The following ADGRG4 variants were observed in gnomAD, a reference collection of about 807,000 sequenced individuals.
ADGRG4 encodes the protein G protein-coupled receptor 112.
Under a neutral mutation model 126.2 loss-of-function variants are expected in ADGRG4, and 122 were observed. The ratio of observed to expected loss-of-function variants is 0.97; its 90% CI spans 0.83 to 1.12. The LOEUF (loss-of-function observed/expected upper bound fraction) is 1.12. Ranked by LOEUF, ADGRG4 falls within the 50% of genes most tolerant of loss-of-function variation. The probability of loss-of-function intolerance (pLI) is 0.00; values close to 1 mark genes in which losing one functional copy is unlikely to be tolerated. For synonymous variants in ADGRG4, 943 were observed against 838.7 expected (o/e 1.12, Z -2.15); for missense variants, 2,481 against 2,251.8 (o/e 1.10, Z -2.06).
At chrX:136,415,991 C>A (rs1269744647) in intron 25 of ADGRG4, among the ~76,000 whole-genome samples, 1 of 112,065 alleles carries the variant, frequency 8.9e-6, no homozygotes, top group Non-Finnish European at 1.9e-5. Flanking sequence ...TTCCATTGTA[C>A]TAGTGACAGC....
At chrX:136,383,375 C>T (rs1438671109) in intron 15 of ADGRG4, among the ~76,000 whole-genome samples, 3 of 111,318 alleles carry the variant, frequency 2.7e-5, no homozygotes, top group Admixed American at 9.5e-5. Context: ...CTAATCCTAC[C>T]CCTAAACATA....
intron 1 of ADGRG4, among the ~76,000 whole-genome samples, chrX:136,303,543 T>C (rs2148441031): frequency 8.9e-6 from 1 of 112,268 alleles, no homozygotes; most frequent in South Asian, 3.7e-4. Flanking sequence ...TGTAGTATCA[T>C]TATGCAAAAT....
At chrX:136,350,491 T>C in intron 6 of ADGRG4, 58 bp downstream of exon 6, 1 of 1,093,807 alleles carries the variant, frequency 9.1e-7, no homozygotes, top group East Asian at 3.0e-5. Context: ...CTATGGGTCA[T>C]GTGTTCTCCA....
intron 23 of ADGRG4, among the ~76,000 whole-genome samples, chrX:136,409,421 A>G (rs750327153): frequency 9.0e-6 from 1 of 111,405 alleles, no homozygotes; most frequent in Non-Finnish European, 1.9e-5. Flanking sequence ...TTAAGTCGGA[A>G]AACTAAACTC....
At position 136,399,984 on chromosome X, in the gene ADGRG4, G is replaced by A; in HGVS notation, c.8443G>A (p.Ala2815Thr). Residue 2815 changes from alanine to threonine, a missense_variant, in exon 21 of 26, where the codon GCA becomes ACA. Physicochemically the swap from Ala to Thr is moderately conservative, Grantham distance 58. Transcript: ENST00000394143. Reference protein sequence around the residue: ...KVGVCITAAVALHYFLLVSFT... With the variant: ...KVGVCITAAVTLHYFLLVSFT... ...GGGAGTTTGTATCACAGCTGCAGTGGCACTTCATTACTTCCTGCTTGTTTC... is the reference window on the plus strand; with the variant it reads ...GGGAGTTTGTATCACAGCTGCAGTGACACTTCATTACTTCCTGCTTGTTTC... 4 of 1,210,954 alleles carry A rather than the reference G, an allele frequency of 3.3e-6. No homozygotes were observed. The highest frequency in any genetic ancestry group is 1.8e-5 in the South Asian group (1 of 56,990).
chrX:136,331,818 ATTT>A (rs781588407), intron 5 of ADGRG4, among the ~76,000 whole-genome samples: 2 of 96,597 alleles, frequency 2.1e-5, no homozygotes, highest in African/African-American at 3.8e-5. Context: ...ATATATTCTA[ATTT>A]TTTTTTTTTT....
chrX:136,414,334 A>G lies in ADGRG4; in HGVS notation c.9205+7A>G, dbSNP rs751417422. On this transcript the variant is annotated splice_region_variant and intron_variant, in intron 25 of 25. Transcript: ENST00000394143. ...GAAATAAGCTTTCCAAATGGTAAGA[A>G]AAAAAGGCTGTGTTGTCTACATTTA... 3 of 1,177,816 alleles carry G rather than the reference A, an allele frequency of 2.5e-6. No homozygotes were observed. In the South Asian group the frequency reaches 5.7e-5, roughly 22 times the overall value.
At chrX:136,378,641 T>C (rs2075242196) in intron 15 of ADGRG4, among the ~76,000 whole-genome samples, 1 of 111,845 alleles carries the variant, frequency 8.9e-6, no homozygotes, top group East Asian at 2.8e-4. Flanking sequence ...TTTTAAAAGA[T>C]GTTCTTTATT....
chrX:136,392,302 A>C lies in ADGRG4; in HGVS notation c.7982A>C (p.Gln2661Pro). The change falls in exon 17 of 26, where the codon CAA becomes CCA. Residue 2661 changes from glutamine to proline, a missense_variant. Physicochemically the swap from Gln to Pro is moderately conservative, Grantham distance 76. Coordinates refer to ENST00000394143, the MANE Select transcript of ADGRG4 (RefSeq NM_153834.4). ...AGCATTTCAGATGATATGTTCATTC[A>C]AAACTTAGCTGACCCAGTGGTTATC... ...SASISDDMFI[Q>P]NLADPVVITL... The C allele has an allele frequency of 8.4e-7, 1 of 1,186,377 alleles. No homozygotes were observed. Among genetic ancestry groups the C allele is most frequent in the Non-Finnish European group, 1.1e-6 (1 of 878,305 alleles).
Position 136,375,521 on chromosome X carries a change from T to C in ADGRG4, c.7776+2457T>C, listed in dbSNP as rs1168066055. 8.0e-5 allele frequency among the ~76,000 whole-genome samples: 9 copies of C among 112,438 alleles called. No homozygotes were observed. In the Admixed American group the frequency reaches 8.5e-4, roughly 11 times the overall value. ...CCACCAGCTGTATAAAAGTGTTTCCTTTTCACCACATCCATGCCAACATCT... is the reference window on the plus strand; with the variant it reads ...CCACCAGCTGTATAAAAGTGTTTCCCTTTCACCACATCCATGCCAACATCT... On this transcript the variant is annotated intron_variant, in intron 15 of 25. Transcript: ENST00000394143.
At position 136,346,598 on chromosome X, in the gene ADGRG4, A is replaced by G. The variant is rs754765823; in HGVS notation, c.2892A>G (p.Glu964=). Residue 964 remains glutamate, a synonymous_variant, in exon 6 of 26, where the codon GAA becomes GAG. Transcript: ENST00000394143. ...CTGGGAGCACACATATATTCGGTGA[A>G]CCCCTGGGTGCTTCTACCACAAGGA... ...PTSGSTHIFG[E]PLGASTTRIS... The G allele has an allele frequency of 8.3e-7, 1 of 1,210,161 alleles. No homozygotes were observed. The highest frequency in any genetic ancestry group is 1.1e-6 in the Non-Finnish European group (1 of 894,468).
intron 5 of ADGRG4, among the ~76,000 whole-genome samples, chrX:136,342,290 T>C (rs188811224): frequency 1.2e-3 from 133 of 111,982 alleles, no homozygotes; most frequent in African/African-American, 3.9e-3. Flanking sequence ...CACACTGCTC[T>C]CACATCATTC....
chrX:136,378,907 AT>A (rs2075243672), intron 15 of ADGRG4, among the ~76,000 whole-genome samples: 1 of 111,609 alleles, frequency 9.0e-6, no homozygotes, highest in African/African-American at 3.3e-5. Flanking sequence ...TTTGTGAAGT[AT>A]TTTTGCCCTT....
At chrX:136,398,237 G>T (rs1363486905) in intron 20 of ADGRG4, among the ~76,000 whole-genome samples, 4 of 111,994 alleles carry the variant, frequency 3.6e-5, no homozygotes, top group Non-Finnish European at 7.5e-5. Flanking sequence ...GGATATAAGA[G>T]CACCAACCCT....
At chrX:136,394,528 C>G (rs1000896857) in intron 18 of ADGRG4, among the ~76,000 whole-genome samples, 3 of 111,823 alleles carry the variant, frequency 2.7e-5, no homozygotes, top group African/African-American at 9.8e-5. Context: ...AAAAATAACA[C>G]TGCCCTTTCC....
intron 4 of ADGRG4, among the ~76,000 whole-genome samples, chrX:136,316,497 TG>T (rs1349682199): frequency 8.9e-6 from 1 of 111,889 alleles, no homozygotes; most frequent in African/African-American, 3.2e-5. Context: ...GACAGAGTTT[TG>T]CTCTTGTCGC....
At chrX:136,376,543 T>C (rs192287856) in intron 15 of ADGRG4, among the ~76,000 whole-genome samples, 45 of 112,075 alleles carry the variant, frequency 4.0e-4, no homozygotes, top group Admixed American at 1.7e-3. Flanking sequence ...TTCCATTTGT[T>C]TGTGTCATCT....
At chrX:136,303,509 A>G (rs1212430208) in intron 1 of ADGRG4, among the ~76,000 whole-genome samples, 3 of 111,973 alleles carry the variant, frequency 2.7e-5, no homozygotes, top group Non-Finnish European at 5.6e-5. Flanking sequence ...GGAGGGAGGC[A>G]AATTTATGTG....
At chrX:136,324,146 G>A (rs936004737) in intron 5 of ADGRG4, among the ~76,000 whole-genome samples, 1 of 111,203 alleles carries the variant, frequency 9.0e-6, no homozygotes, top group Non-Finnish European at 1.9e-5. Flanking sequence ...TGATTTTGGT[G>A]ATGTCTGTCA....
Sources: gnomAD v4.1 joint callset for allele counts (sites outside exome capture counted in the v4.1 genomes callset) on GRCh38, gnomAD v4.1.1 for gene constraint, MANE v1.5 for transcripts, NCBI Gene and HGNC (gene_info 2026-07-23, HGNC 2026-07-21) for gene names.